Variants in C10orf90 observed in about 807,000 individuals in gnomAD.
C10orf90 encodes (E2-independent) E3 ubiquitin-conjugating enzyme FATS.
C10orf90 carries 56 observed loss-of-function variants against 62.5 expected under a neutral mutation model. That is an observed-to-expected ratio of 0.90 (90% confidence interval 0.72 to 1.12). The LOEUF (loss-of-function observed/expected upper bound fraction) is 1.12, where lower values mean the gene tolerates loss of function less well. Ranked by LOEUF, C10orf90 falls within the 50% of genes most tolerant of loss-of-function variation. The pLI, the probability that C10orf90 is intolerant of heterozygous loss-of-function variation, is 0.00. For missense variants in C10orf90, 970 were observed against 880.4 expected (o/e 1.10, Z -1.29); for synonymous variants, 386 against 340.4 (o/e 1.13, Z -1.47).
intron 2 of C10orf90, among the ~76,000 whole-genome samples, chr10:126,590,571 G>T (rs183412403): frequency 6.6e-6 from 1 of 152,050 alleles, no homozygotes; most frequent in Non-Finnish European, 1.5e-5. Context: ...ATTCAATAGC[G>T]TGCTCCTGAA....
chr10:126,581,012 C>G (rs1028135711), intron 2 of C10orf90, among the ~76,000 whole-genome samples: 1 of 152,120 alleles, frequency 6.6e-6, no homozygotes, highest in African/African-American at 2.4e-5. Flanking sequence ...CTTTCCCAGG[C>G]AAAACTACAA....
At chr10:126,623,148 A>G (rs1845678917) in intron 2 of C10orf90, among the ~76,000 whole-genome samples, 1 of 152,086 alleles carries the variant, frequency 6.6e-6, no homozygotes, top group Admixed American at 6.5e-5. Context: ...GGAGTGTTTT[A>G]AAAACCCAAG....
chr10:126,610,118 G>A (rs1239295796), intron 2 of C10orf90, among the ~76,000 whole-genome samples: 5 of 152,162 alleles, frequency 3.3e-5, no homozygotes, highest in African/African-American at 7.2e-5. Flanking sequence ...CATCTCTCTA[G>A]ATCCACTTCA....
chr10:126,603,864 G>A (rs139018714), intron 2 of C10orf90, among the ~76,000 whole-genome samples: 35 of 152,232 alleles, frequency 2.3e-4, no homozygotes, highest in African/African-American at 8.2e-4. Flanking sequence ...GTGACAAGAC[G>A]AGCCATATGC....
intron 7 of C10orf90, among the ~76,000 whole-genome samples, chr10:126,434,694 T>C (rs139164925): frequency 6.6e-6 from 1 of 152,146 alleles, no homozygotes; most frequent in South Asian, 2.1e-4. Flanking sequence ...TGGAAATGGG[T>C]TGTGTTTAAG....
chr10:126,504,866 G>T lies in C10orf90; in HGVS notation c.625C>A (p.Pro209Thr), dbSNP rs1862631093. ...GCCTCAGGTCCTCGCTCATCTGACG[G>T]TGCCGGGATTCCTAATCTGCCCGGA... ...LLPGRLGIPA[P>T]SDERGPEAEL... Residue 209 changes from proline to threonine, a missense_variant, in exon 4 of 10, where the codon CCG becomes ACG. By Grantham distance (38) the Pro-to-Thr change is conservative (BLOSUM62 -1). Coordinates refer to ENST00000488181, the MANE Select transcript of C10orf90 (RefSeq NM_001350921.2). The surrounding 1 kb of genome is among the most constrained non-coding windows in gnomAD (Gnocchi z 4.1). 3 of 1,613,382 alleles carry T rather than the reference G, an allele frequency of 1.9e-6. No homozygotes were observed. Among genetic ancestry groups the T allele is most frequent in the Non-Finnish European group, 2.5e-6 (3 of 1,179,520 alleles).
intron 7 of C10orf90, among the ~76,000 whole-genome samples, chr10:126,454,219 C>A (rs1859387023): frequency 1.3e-5 from 2 of 151,986 alleles, no homozygotes; most frequent in South Asian, 4.1e-4. Context: ...AGGGGATATA[C>A]CCCTATGACC....
intron 1 of C10orf90, among the ~76,000 whole-genome samples, chr10:126,653,324 C>T (rs765115681): frequency 6.6e-6 from 1 of 152,218 alleles, no homozygotes; most frequent in Non-Finnish European, 1.5e-5. Flanking sequence ...ACTTTGGAGG[C>T]AATCCCCTCA....
chr10:126,626,353 C>A (rs1053115546), intron 2 of C10orf90, among the ~76,000 whole-genome samples: 1 of 152,050 alleles, frequency 6.6e-6, no homozygotes, highest in African/African-American at 2.4e-5. Flanking sequence ...CTATGGGGAC[C>A]ATTTGCCTCC....
intron 7 of C10orf90, among the ~76,000 whole-genome samples, chr10:126,458,515 A>G (rs1050992343): frequency 2.6e-5 from 4 of 152,178 alleles, no homozygotes; most frequent in Non-Finnish European, 5.9e-5. Context: ...GGGTCTTGAT[A>G]ACTCCCTCTC....
intron 1 of C10orf90, among the ~76,000 whole-genome samples, chr10:126,655,029 A>G (rs1384290950): frequency 2.0e-5 from 3 of 152,190 alleles, no homozygotes; most frequent in Admixed American, 2.0e-4. Context: ...CATTTACAAT[A>G]GTAATATGAG....
At chr10:126,442,754 GA>G (rs1000142280) in intron 7 of C10orf90, among the ~76,000 whole-genome samples, 6 of 140,950 alleles carry the variant, frequency 4.3e-5, no homozygotes, top group African/African-American at 1.6e-4. Flanking sequence ...TAGACCATAT[GA>G]CAGGCTACAA....
intron 7 of C10orf90, among the ~76,000 whole-genome samples, chr10:126,447,542 A>T (rs1350703943): frequency 6.6e-6 from 1 of 152,190 alleles, no homozygotes; most frequent in Admixed American, 6.5e-5. Flanking sequence ...TAAAGCAAAT[A>T]ATAGATCTGA....
At position 126,504,727 on chromosome 10, in the gene C10orf90, G is replaced by A. The variant is rs747378375; in HGVS notation, c.764C>T (p.Thr255Ile). The A allele has an allele frequency of 1.7e-5, 28 of 1,605,436 alleles. No homozygotes were observed. Among genetic ancestry groups the A allele is most frequent in the Non-Finnish European group, 2.4e-5 (28 of 1,174,874 alleles). The change falls in exon 4 of 10, where the codon ACT becomes ATT. Residue 255 changes from threonine to isoleucine, a missense_variant. Coordinates refer to ENST00000488181, the MANE Select transcript of C10orf90 (RefSeq NM_001350921.2). This position sits in a 1 kb window ranked among gnomAD's most constrained non-coding sequence, Gnocchi z 4.1. ...CTTGGGGCACAGAGAGTCCCCAGCA[G>A]TCCCCCACACCAGGGCGCGGGCTGG... ...GPPARALVWG[T>I]AGDSLCPKCR...
chr10:126,430,089 C>T (rs530482819), intron 7 of C10orf90, among the ~76,000 whole-genome samples: 2 of 152,166 alleles, frequency 1.3e-5, no homozygotes, highest in African/African-American at 2.4e-5. Flanking sequence ...TAGCATCTAA[C>T]CTACTTTATG....
chr10:126,512,404 C>CTGTGTGTGTGTG lies in C10orf90; in HGVS notation c.405+1443_405+1444insCACACACACACA, dbSNP rs1378076687. 6.1e-3 allele frequency among the ~76,000 whole-genome samples: 132 copies of CTGTGTGTGTGTG among 21,618 alleles called. 2 individuals carry two copies. The highest frequency in any genetic ancestry group is 1.0e-2 in the African/African-American group (123 of 12,340). 14.2% of individuals were successfully genotyped at this position (21,618 alleles called of 152,430 possible). A position where few individuals can be genotyped will look rare whatever the true frequency, so the allele number is the denominator to read the frequency against. On this transcript the variant is annotated intron_variant, in intron 3 of 9. Coordinates refer to ENST00000488181, the MANE Select transcript of C10orf90 (RefSeq NM_001350921.2). ...TGTGTGTCTGTGTGTGTGTGTGTGTCTGTGTGTCTGTGTGTGTGTGTGTGT... is the reference window on the plus strand; with the variant it reads ...TGTGTGTCTGTGTGTGTGTGTGTGTCTGTGTGTGTGTGTGTGTGTCTGTGTGTGTGTGTGTGT...
chr10:126,517,450 C>A (rs978980294), intron 2 of C10orf90, among the ~76,000 whole-genome samples: 7 of 152,158 alleles, frequency 4.6e-5, no homozygotes, highest in African/African-American at 1.4e-4. Flanking sequence ...GATTCCCATG[C>A]CCCTATCTGT....
At chr10:126,604,230 C>A (rs554113359) in intron 2 of C10orf90, among the ~76,000 whole-genome samples, 1 of 152,104 alleles carries the variant, frequency 6.6e-6, no homozygotes, top group African/African-American at 2.4e-5. Context: ...GGTCTTCTGC[C>A]GGACTCATTC....
chr10:126,477,678 C>T (rs1207186201), intron 4 of C10orf90, among the ~76,000 whole-genome samples: 2 of 152,172 alleles, frequency 1.3e-5, no homozygotes, highest in African/African-American at 2.4e-5. Flanking sequence ...CTCCATTTCC[C>T]TAAGCCTAAA....
Sources: gnomAD v4.1 joint callset for allele counts (sites outside exome capture counted in the v4.1 genomes callset) on GRCh38, gnomAD v4.1.1 for gene constraint, Gnocchi (gnomAD v3.1) non-coding constraint, MANE v1.5 for transcripts, NCBI Gene and HGNC (gene_info 2026-07-23, HGNC 2026-07-21) for gene names.